STT3B: variants seen among roughly 807,000 people sequenced by gnomAD.
STT3B encodes the protein dolichyl-diphosphooligosaccharide--protein glycosyltransferase subunit STT3B.
Under a neutral mutation model 96.8 loss-of-function variants are expected in STT3B, and 29 were observed. That is an observed-to-expected ratio of 0.30 (90% confidence interval 0.22 to 0.41). The LOEUF (loss-of-function observed/expected upper bound fraction) is 0.41, where lower values mean the gene tolerates loss of function less well. Ranked by LOEUF, STT3B falls within the 10% of genes least tolerant of loss-of-function variation. STT3B has a pLI of 1.00. For synonymous variants in STT3B, 367 were observed against 360.0 expected (o/e 1.02, Z -0.22); for missense variants, 640 against 1,022.3 (o/e 0.63, Z 5.10).
At chr3:31,544,542 C>T (rs1184003093) in intron 1 of STT3B, among the ~76,000 whole-genome samples, 2 of 152,108 alleles carry the variant, frequency 1.3e-5, no homozygotes, top group African/African-American at 2.4e-5. Flanking sequence ...AAACAGTATG[C>T]TGTAATGATC....
chr3:31,548,981 CTG>C (rs1224077182), intron 1 of STT3B, among the ~76,000 whole-genome samples: 1 of 152,064 alleles, frequency 6.6e-6, no homozygotes, highest in Non-Finnish European at 1.5e-5. Context: ...GTTCAGTTAA[CTG>C]TTAATTTTAT....
At chr3:31,546,988 G>T (rs574467459) in intron 1 of STT3B, among the ~76,000 whole-genome samples, 1 of 152,322 alleles carries the variant, frequency 6.6e-6, no homozygotes, top group Admixed American at 6.5e-5. Context: ...TCAGCATGAT[G>T]CTTTGCTCAA....
intron 1 of STT3B, among the ~76,000 whole-genome samples, chr3:31,539,784 G>A (rs1018711198): frequency 6.6e-6 from 1 of 152,090 alleles, no homozygotes; most frequent in Non-Finnish European, 1.5e-5. Context: ...AGGAAAAGAT[G>A]ATCAAATCCA....
intron 1 of STT3B, among the ~76,000 whole-genome samples, chr3:31,535,457 C>G (rs1250408413): frequency 6.6e-6 from 1 of 151,858 alleles, no homozygotes; most frequent in East Asian, 1.9e-4. Flanking sequence ...GGCGCGGTGG[C>G]TCACGCCTGT....
intron 5 of STT3B, among the ~76,000 whole-genome samples, chr3:31,604,138 T>C (rs749086246): frequency 7.2e-5 from 11 of 152,084 alleles, no homozygotes; most frequent in Non-Finnish European, 1.5e-4. Flanking sequence ...CTGCAGTGAG[T>C]TGAGTAAGGA....
chr3:31,577,716 A>G (rs1052772625), intron 2 of STT3B, among the ~76,000 whole-genome samples: 10 of 152,154 alleles, frequency 6.6e-5, no homozygotes, highest in African/African-American at 2.4e-4. Flanking sequence ...AGAGAAAGAC[A>G]TAAAGAGATG....
At chr3:31,618,428 AAC>A (rs1699358380) in intron 8 of STT3B, among the ~76,000 whole-genome samples, 1 of 151,864 alleles carries the variant, frequency 6.6e-6, no homozygotes, top group African/African-American at 2.4e-5. Flanking sequence ...AAATCTGTGA[AAC>A]ACAAGAGAAT....
rs560934651 is a variant in STT3B at position 31,589,644 on chromosome 3, T to C, written c.712-7154T>C. 7.1e-4 allele frequency among the ~76,000 whole-genome samples: 108 copies of C among 152,100 alleles called. 2 individuals carry two copies. The South Asian group carries it at 0.022, about 31-fold the overall frequency. ...TACTGACCCAATTACTATAACTTCA[T>C]TGTACATTTTTAAATTGGGAAGTAT... is the stretch of plus-strand genomic sequence containing the variant. On this transcript the variant is annotated intron_variant, in intron 3 of 15. Coordinates refer to ENST00000295770, the MANE Select transcript of STT3B (RefSeq NM_178862.3).
At chr3:31,573,370 G>GA (rs1698200113) in intron 1 of STT3B, among the ~76,000 whole-genome samples, 1 of 152,174 alleles carries the variant, frequency 6.6e-6, no homozygotes, top group African/African-American at 2.4e-5. Flanking sequence ...GAAGTGGGCA[G>GA]AATGGATGTA....
chr3:31,619,651 A>G lies in STT3B; in HGVS notation c.1173-25A>G, dbSNP rs200753034. 18 of 1,588,770 alleles carry G rather than the reference A, an allele frequency of 1.1e-5. No homozygotes were observed. In the East Asian group the frequency reaches 4.0e-4, roughly 36 times the overall value. ...CTCCTGTTTTATCACTTAATTGTAA[A>G]CAATATTAACTTTTTTAATACCAGG... On this transcript the variant is annotated intron_variant, in intron 8 of 15. Coordinates refer to ENST00000295770, the MANE Select transcript of STT3B (RefSeq NM_178862.3).
chr3:31,590,925 T>G lies in STT3B; in HGVS notation c.712-5873T>G, dbSNP rs143723024. The stretch of plus-strand genomic sequence containing the variant: ...GCATGCTCTCCATCCTGGACAGTGA[T>G]CCACATATGCTTGAAAAGAACATGT... On this transcript the variant is annotated intron_variant, in intron 3 of 15. Transcript: ENST00000295770. Among the ~76,000 whole-genome samples, 1,071 of 152,182 alleles carry G rather than the reference T, an allele frequency of 7.0e-3. 11 individuals carry two copies. The highest frequency in any genetic ancestry group is 0.024 in the African/African-American group (989 of 41,562).
intron 3 of STT3B, among the ~76,000 whole-genome samples, chr3:31,588,838 C>G (rs527459163): frequency 1.3e-5 from 2 of 151,940 alleles, no homozygotes; most frequent in Non-Finnish European, 2.9e-5. Context: ...TTTCTGTGCT[C>G]TGTTCTGTTC....
intron 3 of STT3B, among the ~76,000 whole-genome samples, chr3:31,589,629 A>G (rs1349521482): frequency 1.3e-5 from 2 of 151,932 alleles, no homozygotes; most frequent in African/African-American, 4.8e-5. Flanking sequence ...TACTGACCCA[A>G]TTACTATAAC....
intron 4 of STT3B, 150 bp downstream of exon 4, chr3:31,597,013 T>C: frequency 1.8e-6 from 1 of 567,554 alleles, no homozygotes; most frequent in Non-Finnish European, 3.1e-6. Flanking sequence ...TCACAGGTCC[T>C]GTATACACCT....
At chr3:31,588,342 T>C (rs770492738) in intron 3 of STT3B, among the ~76,000 whole-genome samples, 1 of 152,136 alleles carries the variant, frequency 6.6e-6, no homozygotes, top group Non-Finnish European at 1.5e-5. Flanking sequence ...GTCTCAAATA[T>C]TTATTTCTTT....
At chr3:31,552,474 A>G (rs888247924) in intron 1 of STT3B, among the ~76,000 whole-genome samples, 4 of 152,288 alleles carry the variant, frequency 2.6e-5, no homozygotes, top group Non-Finnish European at 2.9e-5. Context: ...AGGAATCCTT[A>G]TTTGACTTTT....
At chr3:31,541,797 C>T (rs939465721) in intron 1 of STT3B, among the ~76,000 whole-genome samples, 2 of 151,972 alleles carry the variant, frequency 1.3e-5, no homozygotes, top group Admixed American at 6.6e-5. Flanking sequence ...AGGATGGTCT[C>T]GAACTCCTGA....
At chr3:31,579,085 C>G (rs1698322407) in intron 2 of STT3B, among the ~76,000 whole-genome samples, 1 of 151,990 alleles carries the variant, frequency 6.6e-6, no homozygotes, top group South Asian at 2.1e-4. Flanking sequence ...TTCTTGAATC[C>G]TTTTAATATT....
At chr3:31,563,097 GTTTCCC>G (rs1697920460) in intron 1 of STT3B, among the ~76,000 whole-genome samples, 5 of 152,108 alleles carry the variant, frequency 3.3e-5, no homozygotes, top group African/African-American at 1.2e-4. Flanking sequence ...GAACAGGCTT[GTTTCCC>G]TCTTTTTCCT....
Sources: gnomAD v4.1 joint callset for allele counts (sites outside exome capture counted in the v4.1 genomes callset) on GRCh38, gnomAD v4.1.1 for gene constraint, MANE v1.5 for transcripts, NCBI Gene and HGNC (gene_info 2026-07-23, HGNC 2026-07-21) for gene names.